TF: variants seen among roughly 807,000 people sequenced by gnomAD.
The protein encoded by TF is serotransferrin.
Under a neutral mutation model 82.4 loss-of-function variants are expected in TF, and 55 were observed. The ratio of observed to expected loss-of-function variants is 0.67; its 90% CI spans 0.54 to 0.84. TF has a LOEUF of 0.84. TF is among the 40% of genes least tolerant of loss of function. TF has a pLI of 0.00. For synonymous variants in TF, 332 were observed against 332.6 expected (o/e 1.00, Z 0.02); for missense variants, 737 against 868.4 (o/e 0.85, Z 1.90).
At chr3:133,725,331 T>C in the TF span, among the ~76,000 whole-genome samples, 473 of 152,362 alleles carry the variant, frequency 3.1e-3, 5 homozygotes, top group East Asian at 0.037. Context: ...TTTTATTTCA[T>C]TGAGTAGTGG....
chr3:133,683,527 C>CAA, the TF span, among the ~76,000 whole-genome samples: 19 of 150,390 alleles, frequency 1.3e-4, no homozygotes, highest in African/African-American at 4.4e-4. Flanking sequence ...AAATGGGAAA[C>CAA]AAAAAAAAAG....
chr3:133,673,409 A>G, the TF span, among the ~76,000 whole-genome samples: 1 of 152,250 alleles, frequency 6.6e-6, no homozygotes, highest in African/African-American at 2.4e-5. Context: ...CAGATAGAAA[A>G]TACAGTTAAA....
At chr3:133,717,947 A>T in the TF span, among the ~76,000 whole-genome samples, 1 of 152,160 alleles carries the variant, frequency 6.6e-6, no homozygotes, top group African/African-American at 2.4e-5. Flanking sequence ...TGACATTTCA[A>T]ATCACTGGGG....
At position 133,788,859 on chromosome 3, in the gene TF, A is replaced by G. The variant is rs945047171; in HGVS notation, c.*10239A>G. 4.6e-5 allele frequency: 7 copies of G among 152,290 alleles called. No individual in the cohort carries two copies. Among genetic ancestry groups the G allele is most frequent in the Non-Finnish European group, 1.5e-5 (1 of 68,094 alleles). 9.4% of individuals were successfully genotyped at this position (152,290 alleles called of 1,614,324 possible). A position where few individuals can be genotyped will look rare whatever the true frequency, so the allele number is the denominator to read the frequency against. On this transcript the variant is annotated 3_prime_UTR_variant, in exon 17 of 17. Transcript: ENST00000402696. Reference sequence around the variant, plus strand: ...CGACGGAAACCCTACTTGACTGGCTAAGGACAAAAGAAGCCTACTCAGCTT... The same window carrying G: ...CGACGGAAACCCTACTTGACTGGCTGAGGACAAAAGAAGCCTACTCAGCTT...
chr3:133,761,606 T>G lies in TF; in HGVS notation c.1203+2277T>G, dbSNP rs546011512. On this transcript the variant is annotated intron_variant, in intron 9 of 16. Coordinates refer to ENST00000402696, the MANE Select transcript of TF (RefSeq NM_001063.4). The stretch of plus-strand genomic sequence containing the variant: ...ATCATGGATCAGATCTACCAAAATG[T>G]CATGAATTAAGTGTATGAAATCAGT... The G allele has an allele frequency of 2.0e-5, 3 of 152,454 alleles. No homozygotes were observed. The East Asian group carries it at 5.8e-4, about 29-fold the overall frequency. The allele number at this position is 152,454 out of a possible 1,614,324, so 9.4% of individuals were successfully genotyped here. A position where few individuals can be genotyped will look rare whatever the true frequency, so the allele number is the denominator to read the frequency against.
chr3:133,748,088 G>T, intron 1 of TF: 1 of 402,074 alleles, frequency 2.5e-6, no homozygotes, highest in East Asian at 5.2e-5. Flanking sequence ...GTTCCATGGG[G>T]GGCCAGGGGC....
At chr3:133,755,716 C>T in intron 5 of TF, 1 of 617,678 alleles carries the variant, frequency 1.6e-6, no homozygotes, top group Non-Finnish European at 2.8e-6. Flanking sequence ...TCCTGGGGAC[C>T]CTTCCTTTCT....
At chr3:133,741,715 T>C (rs1341783265), upstream of TF, among the ~76,000 whole-genome samples, 2 of 152,362 alleles carry the variant, frequency 1.3e-5, no homozygotes, top group East Asian at 1.9e-4. Context: ...TAATATGATA[T>C]ATTACAGTGA....
At position 133,757,799 on chromosome 3, in the gene TF, T is replaced by A. The variant is rs1366152106; in HGVS notation, c.901T>A (p.Phe301Ile). The change falls in exon 8 of 17, where the codon TTC becomes ATC. Residue 301 changes from phenylalanine to isoleucine, a missense_variant. Phe to Ile is a conservative substitution (Grantham distance 21). Transcript: ENST00000402696. ...EHFGKDKSKEFQLFSSPHGKD... is the reference protein window; with the variant it reads ...EHFGKDKSKEIQLFSSPHGKD... The stretch of plus-strand genomic sequence containing the variant: ...TTTTGGCAAAGACAAATCAAAAGAA[T>A]TCCAACTATTCAGCTCTCCTCATGG... 6.2e-7 allele frequency: 1 copy of A among 1,614,240 alleles called. No individual in the cohort carries two copies. The highest frequency in any genetic ancestry group is 8.5e-7 in the Non-Finnish European group (1 of 1,180,034).
At chr3:133,727,363 G>A in the TF span, among the ~76,000 whole-genome samples, 13 of 149,058 alleles carry the variant, frequency 8.7e-5, no homozygotes, top group Admixed American at 6.1e-4. Flanking sequence ...TATATATTTA[G>A]GATAGTTAGC....
upstream of TF, among the ~76,000 whole-genome samples, chr3:133,741,216 T>C (rs2107901413): frequency 6.6e-6 from 1 of 152,138 alleles, no homozygotes; most frequent in East Asian, 1.9e-4. Context: ...GGTCTCAAAC[T>C]CCTGACCTCA....
chr3:133,744,562 G>A (rs1263181334), upstream of TF, among the ~76,000 whole-genome samples: 1 of 152,172 alleles, frequency 6.6e-6, no homozygotes, highest in Non-Finnish European at 1.5e-5. Flanking sequence ...GTAGGAATAT[G>A]GCCCTCATGC....
chr3:133,664,115 T>C, the TF span, among the ~76,000 whole-genome samples: 7 of 152,296 alleles, frequency 4.6e-5, no homozygotes, highest in East Asian at 1.9e-4. Flanking sequence ...TTCAGACTTA[T>C]TAAGTCAGGA....
chr3:133,759,264 A>G lies in TF; in HGVS notation c.1138A>G (p.Asn380Asp). 1.2e-6 allele frequency: 2 copies of G among 1,614,012 alleles called. No homozygotes were observed. The highest frequency in any genetic ancestry group is 1.7e-6 in the Non-Finnish European group (2 of 1,180,000). ...ERLKCDEWSV[N>D]SVGKIECVSA... ...GCTCAAGTGTGATGAGTGGAGTGTT[A>G]ACAGTGTAGGGAAAATAGAGTGTGT... is the stretch of plus-strand genomic sequence containing the variant. Residue 380 changes from asparagine to aspartate, a missense_variant, in exon 9 of 17, where the codon AAC becomes GAC. Physicochemically the swap from Asn to Asp is conservative, Grantham distance 23 (BLOSUM62 1). Transcript: ENST00000402696.
At chr3:133,688,833 A>G in the TF span, among the ~76,000 whole-genome samples, 1 of 152,218 alleles carries the variant, frequency 6.6e-6, no homozygotes, top group South Asian at 2.1e-4. Flanking sequence ...AGTAGAATCA[A>G]GAGAAATGTT....
chr3:133,718,003 GC>G, the TF span, among the ~76,000 whole-genome samples: 1 of 152,020 alleles, frequency 6.6e-6, no homozygotes, highest in Non-Finnish European at 1.5e-5. Flanking sequence ...CCAAGAACTG[GC>G]CCCTGTGCTC....
At chr3:133,745,705 T>C (rs1343971875), upstream of TF, among the ~76,000 whole-genome samples, 1 of 152,160 alleles carries the variant, frequency 6.6e-6, no homozygotes, top group African/African-American at 2.4e-5. Flanking sequence ...AACCTTCTTG[T>C]TGGAGGGAGT....
the TF span, among the ~76,000 whole-genome samples, chr3:133,680,791 C>G: frequency 1.6e-3 from 242 of 152,250 alleles, 5 homozygotes; most frequent in East Asian, 0.035. Flanking sequence ...ATATTTCCTA[C>G]CTATAGACAG....
intron 2 of TF, among the ~76,000 whole-genome samples, chr3:133,752,203 C>T (rs1313147880): frequency 1.3e-5 from 2 of 151,370 alleles, no homozygotes; most frequent in Admixed American, 1.3e-4. Flanking sequence ...AGCGATTCTC[C>T]TGCCTCAGCT....
Sources: allele counts gnomAD v4.1 joint callset (sites outside exome capture counted in the v4.1 genomes callset), GRCh38; gene constraint gnomAD v4.1.1; transcripts MANE v1.5; gene names NCBI Gene and HGNC (gene_info 2026-07-23, HGNC 2026-07-21).